The following CEP57L1 variants were observed in gnomAD, a reference collection of about 807,000 sequenced individuals.
CEP57L1 encodes centrosomal protein 57 like 1, also known as centrosomal protein CEP57L1.
In CEP57L1, 37 loss-of-function variants were observed where a neutral mutation model predicts 61.0. The ratio of observed to expected loss-of-function variants is 0.61; its 90% CI spans 0.47 to 0.80. The LOEUF (loss-of-function observed/expected upper bound fraction) is 0.80, where lower values mean the gene tolerates loss of function less well. Ranked by LOEUF, CEP57L1 falls within the 30% of genes least tolerant of loss-of-function variation. The probability of loss-of-function intolerance (pLI) is 0.00; values close to 1 mark genes in which losing one functional copy is unlikely to be tolerated. For synonymous variants in CEP57L1, 137 were observed against 162.3 expected (o/e 0.84, Z 1.19); for missense variants, 422 against 524.7 (o/e 0.80, Z 1.91).
At chr6:109,135,168 A>G (rs1045577303) in intron 1 of CEP57L1, among the ~76,000 whole-genome samples, 22 of 152,236 alleles carry the variant, frequency 1.4e-4, no homozygotes, top group African/African-American at 5.3e-4. Flanking sequence ...AAACTACGCT[A>G]CAAGGCTACA....
rs1774215512 is a variant in CEP57L1 at position 109,168,061 on chromosome 6, ATGTT to A, written c.*5096_*5099del. 1.3e-5 allele frequency among the ~76,000 whole-genome samples: 2 copies of A among 152,336 alleles called. No homozygotes were observed. The highest frequency in any genetic ancestry group is 1.9e-4 in the East Asian group (1 of 5,188). On this transcript the variant is annotated 3_prime_UTR_variant, in exon 11 of 11. Transcript: ENST00000517392. ...GCTCAAATATTTATTTGCCTACTAA[ATGTT>A]TGTTCTCATCTATCGATAAAGTGCT...
At chr6:109,158,934 A>G (rs1429744451) in intron 7 of CEP57L1, 91 bp from the exon 8 acceptor site, 5 of 1,311,046 alleles carry the variant, frequency 3.8e-6, no homozygotes, top group Non-Finnish European at 5.3e-6. Context: ...TTCCAGTTGC[A>G]TTGTTTTCTG....
intron 10 of CEP57L1, among the ~76,000 whole-genome samples, chr6:109,161,993 T>G (rs1322000961): frequency 1.3e-5 from 2 of 152,066 alleles, no homozygotes; most frequent in Non-Finnish European, 1.5e-5. Flanking sequence ...GAAATTGATT[T>G]TGGCTAGTTG....
At chr6:109,142,427 C>G (rs1771481836) in intron 1 of CEP57L1, among the ~76,000 whole-genome samples, 1 of 152,034 alleles carries the variant, frequency 6.6e-6, no homozygotes, top group African/African-American at 2.4e-5. Flanking sequence ...CACCTGGACA[C>G]AGAGAGGGGA....
At chr6:109,122,657 C>T (rs1562520397) in intron 1 of CEP57L1, among the ~76,000 whole-genome samples, 1 of 151,992 alleles carries the variant, frequency 6.6e-6, no homozygotes, top group Admixed American at 6.6e-5. Context: ...AAAAAATTAG[C>T]CGGGCATGGT....
chr6:109,143,562 C>T (rs1008185546), intron 1 of CEP57L1, among the ~76,000 whole-genome samples: 1 of 152,108 alleles, frequency 6.6e-6, no homozygotes, highest in African/African-American at 2.4e-5. Context: ...CTTGTGCCCA[C>T]TTTAATATGT....
intron 1 of CEP57L1, among the ~76,000 whole-genome samples, chr6:109,098,235 C>T (rs930401350): frequency 6.6e-6 from 1 of 152,104 alleles, no homozygotes; most frequent in Non-Finnish European, 1.5e-5. Flanking sequence ...GCAACCTCCA[C>T]CTCCCAAGTT....
intron 1 of CEP57L1, among the ~76,000 whole-genome samples, chr6:109,130,269 T>C (rs1774030662): frequency 1.3e-5 from 2 of 152,326 alleles, no homozygotes; most frequent in East Asian, 3.9e-4. Context: ...TCGACTACTT[T>C]AGATACTTCA....
intron 1 of CEP57L1, among the ~76,000 whole-genome samples, chr6:109,139,286 T>C (rs751992967): frequency 1.3e-5 from 2 of 152,134 alleles, no homozygotes; most frequent in African/African-American, 2.4e-5. Flanking sequence ...TTAAAACTTA[T>C]GAATGGTTTC....
At chr6:109,161,372 A>G (rs1160516685) in intron 10 of CEP57L1, among the ~76,000 whole-genome samples, 6 of 152,178 alleles carry the variant, frequency 3.9e-5, no homozygotes, top group Admixed American at 3.3e-4. Flanking sequence ...TTGCAGCACT[A>G]TTACACTGCT....
intron 1 of CEP57L1, among the ~76,000 whole-genome samples, chr6:109,126,339 T>C (rs1684921196): frequency 6.6e-6 from 1 of 152,180 alleles, no homozygotes; most frequent in African/African-American, 2.4e-5. Flanking sequence ...GAAGTCTAAT[T>C]GAGAAAATAT....
chr6:109,120,397 A>G (rs1014407035), intron 1 of CEP57L1, among the ~76,000 whole-genome samples: 4 of 152,156 alleles, frequency 2.6e-5, no homozygotes, highest in African/African-American at 7.2e-5. Context: ...GTATGATAGG[A>G]AAGTCTCCAA....
intron 1 of CEP57L1, among the ~76,000 whole-genome samples, chr6:109,126,232 C>T (rs576074851): frequency 5.9e-5 from 9 of 152,254 alleles, no homozygotes; most frequent in African/African-American, 2.2e-4. Flanking sequence ...AGATAAGAGA[C>T]ATGAGACCCT....
Position 109,108,000 on chromosome 6 carries a change from T to A in CEP57L1, c.-4+12425T>A, listed in dbSNP as rs547038557. The stretch of plus-strand genomic sequence containing the variant: ...TAAGTACAACTCTCTTTTAATAGAA[T>A]TTTAGAAATGTATGAAAACCTCAAA... On this transcript the variant is annotated intron_variant, in intron 1 of 10. Transcript: ENST00000517392. Among the ~76,000 whole-genome samples the A allele has an allele frequency of 3.9e-5, 6 of 152,122 alleles. No individual in the cohort carries two copies. In the South Asian group the frequency reaches 1.2e-3, roughly 31 times the overall value.
chr6:109,142,219 C>T (rs1195827042), intron 1 of CEP57L1, among the ~76,000 whole-genome samples: 1 of 152,024 alleles, frequency 6.6e-6, no homozygotes. Flanking sequence ...CCCAAATGCC[C>T]ATCAATGATA....
intron 1 of CEP57L1, among the ~76,000 whole-genome samples, chr6:109,104,976 G>A (rs983730131): frequency 2.6e-5 from 4 of 152,074 alleles, no homozygotes; most frequent in African/African-American, 7.2e-5. Flanking sequence ...GATCAATGAA[G>A]TAGAACGTTT....
At position 109,153,927 on chromosome 6, in the gene CEP57L1, C is replaced by G. The variant is rs769389092; in HGVS notation, c.557C>G (p.Thr186Arg). ...TTAGAAAAAGAGTGTTTCAGACTTA[C>G]AACAACTCAGAAAACTGCTGAGGTA... ...DVLEKECFRLTTTQKTAEDKI... is the reference protein window; with the variant it reads ...DVLEKECFRLRTTQKTAEDKI... The change falls in exon 5 of 11, where the codon ACA becomes AGA. Residue 186 changes from threonine (T) to arginine (R), a missense_variant. Coordinates refer to ENST00000517392, the MANE Select transcript of CEP57L1 (RefSeq NM_001271852.3). 3 of 1,601,234 alleles carry G rather than the reference C, an allele frequency of 1.9e-6. No individual in the cohort carries two copies. Among genetic ancestry groups the G allele is most frequent in the East Asian group, 2.2e-5 (1 of 44,552 alleles).
chr6:109,111,144 C>T (rs1269913717), intron 1 of CEP57L1, among the ~76,000 whole-genome samples: 1 of 152,190 alleles, frequency 6.6e-6, no homozygotes, highest in Admixed American at 6.5e-5. Flanking sequence ...GATATTGATT[C>T]TTCCTATCCA....
chr6:109,117,713 A>T (rs1439284249), intron 1 of CEP57L1, among the ~76,000 whole-genome samples: 1 of 152,236 alleles, frequency 6.6e-6, no homozygotes, highest in East Asian at 1.9e-4. Context: ...AATTATGCAG[A>T]TTCTCAACAT....
Sources: allele counts gnomAD v4.1 joint callset (sites outside exome capture counted in the v4.1 genomes callset), GRCh38; gene constraint gnomAD v4.1.1; transcripts MANE v1.5; gene names NCBI Gene and HGNC (gene_info 2026-07-23, HGNC 2026-07-21).